Variants in ZFP1 observed in about 807,000 individuals in gnomAD.
The protein encoded by ZFP1 is ZFP1 zinc finger protein.
Under a neutral mutation model 38.5 loss-of-function variants are expected in ZFP1, and 32 were observed. The ratio of observed to expected loss-of-function variants is 0.83; its 90% confidence interval spans 0.63 to 1.12. ZFP1 has a LOEUF of 1.12. Among genes scored for constraint, ZFP1 ranks in the 50% most tolerant of loss-of-function variants. The pLI, the probability that ZFP1 is intolerant of heterozygous loss-of-function variation, is 0.00. For synonymous variants in ZFP1, 245 were observed against 168.8 expected, an observed-to-expected ratio of 1.45 and a Z score of -3.50; for missense variants, 616 against 480.8, an observed-to-expected ratio of 1.28 and a Z score of -2.63.
chr16:75,155,480 AT>A (rs2037424441), intron 2 of ZFP1, among the ~76,000 whole-genome samples: 1 of 152,188 alleles, frequency 6.6e-6, no homozygotes. Flanking sequence ...TCTTTGAAGT[AT>A]TTCCATATCA....
the ZFP1 span, among the ~76,000 whole-genome samples, chr16:75,138,024 CTTTTTTTTTTTT>C: frequency 1.5e-5 from 1 of 64,936 alleles, no homozygotes; most frequent in Non-Finnish European, 2.6e-5. Flanking sequence ...CTCCCACTTC[CTTTTTTTTTTTT>C]TTTTTTTTTT....
intron 2 of ZFP1, among the ~76,000 whole-genome samples, chr16:75,154,883 C>T (rs983589698): frequency 4.6e-5 from 7 of 152,028 alleles, no homozygotes; most frequent in Non-Finnish European, 1.0e-4. Context: ...GTGCAACCTC[C>T]CCTTCCCAGG....
At chr16:75,158,280 C>T (rs942135587) in intron 2 of ZFP1, among the ~76,000 whole-genome samples, 2 of 151,730 alleles carry the variant, frequency 1.3e-5, no homozygotes, top group Non-Finnish European at 2.9e-5. Context: ...AATTTAGTGG[C>T]ATGAACACAG....
In ZFP1 at chr16:75,171,323, AATT is replaced by A. The variant is rs2038421221; in HGVS notation, c.*993_*995del. ...TACATTTCAGAGACTTTAGAGGAAAAATTATTTTAAATAACTGTCAACTGTTTC... is the reference window on the plus strand; with the variant it reads ...TACATTTCAGAGACTTTAGAGGAAAAATTTTAAATAACTGTCAACTGTTTC... On this transcript the variant is annotated 3_prime_UTR_variant, in exon 4 of 4. Transcript: ENST00000570010. The A allele has an allele frequency of 1.3e-5, 2 of 152,188 alleles. No individual in the cohort carries two copies. The highest frequency in any genetic ancestry group is 6.5e-5 in the Admixed American group (1 of 15,272). 9.4% of individuals were successfully genotyped at this position (152,188 alleles called of 1,614,324 possible).
At position 75,157,724 on chromosome 16, in the gene ZFP1, A is replaced by C. The variant is rs559095533; in HGVS notation, c.15+4758A>C. 2.6e-5 allele frequency among the ~76,000 whole-genome samples: 4 copies of C among 152,204 alleles called. 1 individual carries two copies. The South Asian group carries it at 8.3e-4, about 32-fold the overall frequency. ...ATGGACTTATCCTTTTATCATTTTG[A>C]AATGCCCCTCTTTATCCCTGATAAT... On this transcript the variant is annotated intron_variant, in intron 2 of 3. Transcript: ENST00000570010.
rs149287588 is a variant in ZFP1 at position 75,152,558 on chromosome 16, A to G, written c.-43-351A>G. On this transcript the variant is annotated intron_variant, in intron 1 of 3. Transcript: ENST00000570010. ...GTTTCCATCTCTGCTGAAATTCCCTATTTGTTTATTCATGTTGTCCACCTT... is the reference window on the plus strand; with the variant it reads ...GTTTCCATCTCTGCTGAAATTCCCTGTTTGTTTATTCATGTTGTCCACCTT... Among the ~76,000 whole-genome samples the G allele has an allele frequency of 5.6e-4, 85 of 152,182 alleles. 1 individual carries two copies. The highest frequency in any genetic ancestry group is 2.0e-3 in the African/African-American group (83 of 41,536).
chr16:75,148,964 G>C (rs1237892540), intron 1 of ZFP1: 3 of 151,768 alleles, frequency 2.0e-5, no homozygotes, highest in Non-Finnish European at 4.4e-5. Flanking sequence ...TGGAGCCCCG[G>C]CGGGCGCGCG....
intron 2 of ZFP1, among the ~76,000 whole-genome samples, chr16:75,155,675 C>T (rs1167024412): frequency 1.3e-5 from 2 of 152,094 alleles, no homozygotes; most frequent in Admixed American, 1.3e-4. Flanking sequence ...AGAAATAGAA[C>T]ATTATCTGTT....
rs1381092989 is a variant in ZFP1 at position 75,169,957 on chromosome 16, C to T, written c.847C>T (p.Leu283Phe). 1.2e-6 allele frequency: 2 copies of T among 1,614,210 alleles called. No homozygotes were observed. The highest frequency in any genetic ancestry group is 3.3e-5 in the Admixed American group (2 of 60,020). The change falls in exon 4 of 4, where the codon CTC becomes TTC. Residue 283 changes from leucine (L) to phenylalanine (F), a missense_variant. By Grantham distance (22) the Leu-to-Phe change is conservative (BLOSUM62 0). Coordinates refer to ENST00000570010, the MANE Select transcript of ZFP1 (RefSeq NM_153688.4). ...AAAGACATTTGCCCAAAAGTTTGAA[C>T]TCACCACACACCAGAGAATTCATAC... is the stretch of plus-strand genomic sequence containing the variant. The part of the protein sequence containing the change: ...CGKTFAQKFE[L>F]TTHQRIHTGE...
At chr16:75,132,904 T>C in the ZFP1 span, among the ~76,000 whole-genome samples, 1 of 149,006 alleles carries the variant, frequency 6.7e-6, no homozygotes, top group Non-Finnish European at 1.5e-5. Flanking sequence ...AGGTGATCCA[T>C]CCACCTCAAC....
At chr16:75,167,950 G>T (rs554345314) in intron 3 of ZFP1, among the ~76,000 whole-genome samples, 1 of 152,088 alleles carries the variant, frequency 6.6e-6, no homozygotes, top group Admixed American at 6.6e-5. Flanking sequence ...AAAATAAGCC[G>T]GGCATGGTGG....
Position 75,159,770 on chromosome 16 carries a change from A to C in ZFP1, c.15+6804A>C, listed in dbSNP as rs116855861. On this transcript the variant is annotated intron_variant, in intron 2 of 3. Coordinates refer to ENST00000570010, the MANE Select transcript of ZFP1 (RefSeq NM_153688.4). ...ATGCTGGATATGTTGTATGATACATAGCTCCTTCTAAAAAATGTTAAGTTT... is the reference window on the plus strand; with the variant it reads ...ATGCTGGATATGTTGTATGATACATCGCTCCTTCTAAAAAATGTTAAGTTT... Among the ~76,000 whole-genome samples the C allele has an allele frequency of 5.9e-5, 9 of 152,242 alleles. No homozygotes were observed. The East Asian group carries it at 1.5e-3, about 26-fold the overall frequency.
chr16:75,146,512 C>T (rs551194758), upstream of ZFP1, among the ~76,000 whole-genome samples: 2 of 152,146 alleles, frequency 1.3e-5, no homozygotes, highest in Admixed American at 1.3e-4. Flanking sequence ...TATATCCTCA[C>T]AAAACCTGAA....
the ZFP1 span, among the ~76,000 whole-genome samples, chr16:75,125,004 G>C: frequency 6.6e-6 from 1 of 151,872 alleles, no homozygotes; most frequent in African/African-American, 2.4e-5. Flanking sequence ...GCTAAGGTCT[G>C]GAATCCCAAC....
At position 75,152,959 on chromosome 16, in the gene ZFP1, A is replaced by C. The variant is rs1170292214; in HGVS notation, c.8A>C (p.Lys3Thr). ...TGCCCAAAACTGCAGAAAATGAACAAATCCCAGGTGAGTTGTTTGTTTATT... is the reference window on the plus strand; with the variant it reads ...TGCCCAAAACTGCAGAAAATGAACACATCCCAGGTGAGTTGTTTGTTTATT... Reference protein sequence around the residue: MNKSQGSVSFTDV... With the variant: MNTSQGSVSFTDV... The change falls in exon 2 of 4, where the codon AAA becomes ACA. Residue 3 changes from lysine (K) to threonine (T), a missense_variant. By Grantham distance (78) the Lys-to-Thr change is moderately conservative. Transcript: ENST00000570010. 6.2e-7 allele frequency: 1 copy of C among 1,613,934 alleles called. No homozygotes were observed. The highest frequency in any genetic ancestry group is 1.7e-5 in the Admixed American group (1 of 59,990).
chr16:75,147,438 C>T (rs575532990), upstream of ZFP1, among the ~76,000 whole-genome samples: 5 of 136,686 alleles, frequency 3.7e-5, no homozygotes, highest in East Asian at 4.2e-4. Flanking sequence ...CCACCATGCC[C>T]GGCTAATTTT....
chr16:75,147,279 G>T (rs2036963660), upstream of ZFP1, among the ~76,000 whole-genome samples: 2 of 151,936 alleles, frequency 1.3e-5, no homozygotes, highest in Non-Finnish European at 2.9e-5. Flanking sequence ...GGGTGCCAAT[G>T]ATTTTGTTTT....
the ZFP1 span, among the ~76,000 whole-genome samples, chr16:75,123,455 GTATATA>G: frequency 0.31 from 26,598 of 86,756 alleles, 4,916 homozygotes; most frequent in Middle Eastern, 0.48. Context: ...GTGTGTATAT[GTATATA>G]TATATATATA....
chr16:75,153,001 A>C, intron 2 of ZFP1, 35 bp downstream of exon 2: 1 of 1,612,422 alleles, frequency 6.2e-7, no homozygotes, highest in African/African-American at 1.3e-5. Flanking sequence ...TTTGCTTTTC[A>C]GTGCATTTAA....
Sources: gnomAD v4.1 joint callset for allele counts (sites outside exome capture counted in the v4.1 genomes callset) on GRCh38, gnomAD v4.1.1 for gene constraint, MANE v1.5 for transcripts, NCBI Gene and HGNC (gene_info 2026-07-23, HGNC 2026-07-21) for gene names.